SLCO2B1: variants seen among roughly 807,000 people sequenced by gnomAD.
The protein encoded by SLCO2B1 is OATP-RP2.
SLCO2B1 carries 41 observed loss-of-function variants against 67.3 expected under a neutral mutation model. The ratio of observed to expected loss-of-function variants is 0.61; its 90% confidence interval spans 0.47 to 0.79. The LOEUF (loss-of-function observed/expected upper bound fraction) is 0.79. Ranked by LOEUF, SLCO2B1 falls within the 30% of genes least tolerant of loss-of-function variation. The pLI, the probability that SLCO2B1 is intolerant of heterozygous loss-of-function variation, is 0.00. For synonymous variants in SLCO2B1, 379 were observed against 381.4 expected, an observed-to-expected ratio of 0.99 and a Z score of 0.07; for missense variants, 837 against 920.1, an observed-to-expected ratio of 0.91 and a Z score of 1.17.
At chr11:75,163,802 GTCTC>G (rs1180793552) in intron 2 of SLCO2B1, among the ~76,000 whole-genome samples, 157 bp from the exon 3 acceptor site, 3 of 150,548 alleles carry the variant, frequency 2.0e-5, no homozygotes, top group Non-Finnish European at 4.4e-5. Flanking sequence ...GTCTCCTTTG[GTCTC>G]TCTCTGTCTC....
chr11:75,170,740 G>A (rs1949948860), intron 6 of SLCO2B1, among the ~76,000 whole-genome samples: 1 of 152,208 alleles, frequency 6.6e-6, no homozygotes, highest in Non-Finnish European at 1.5e-5. Flanking sequence ...TCTCCTTCTG[G>A]AAGGCTGGGT....
intron 6 of SLCO2B1, chr11:75,170,079 C>T (rs906803706): frequency 6.4e-6 from 2 of 312,408 alleles, no homozygotes; most frequent in Admixed American, 9.3e-5. Context: ...TCAACAGGCC[C>T]TCAGCCCCCT....
At position 75,171,655 on chromosome 11, in the gene SLCO2B1, T is replaced by C. The variant is rs1170178057; in HGVS notation, c.782-724T>C. 2.0e-5 allele frequency among the ~76,000 whole-genome samples: 3 copies of C among 152,222 alleles called. No individual in the cohort carries two copies. In the East Asian group the frequency reaches 5.8e-4, roughly 29 times the overall value. On this transcript the variant is annotated intron_variant, in intron 6 of 13. Transcript: ENST00000289575. ...ATTAAGAAGTATGACGGGAGCTTTG[T>C]GTGTTCCAGCCAGGAGGTACACCTG... is the stretch of plus-strand genomic sequence containing the variant.
At chr11:75,191,190 A>C (rs1196294049) in intron 8 of SLCO2B1, among the ~76,000 whole-genome samples, 1 of 151,724 alleles carries the variant, frequency 6.6e-6, no homozygotes, top group Non-Finnish European at 1.5e-5. Flanking sequence ...GAGCCAGGAG[A>C]CCCTAGGAAA....
chr11:75,201,435 G>A (rs1945181446), intron 11 of SLCO2B1: 1 of 152,126 alleles, frequency 6.6e-6, no homozygotes, highest in Admixed American at 6.5e-5. Flanking sequence ...TTCTGCAGTG[G>A]ACCCTAGCCA....
intron 1 of SLCO2B1, among the ~76,000 whole-genome samples, chr11:75,162,237 A>C (rs535319907): frequency 1.2e-4 from 18 of 152,288 alleles, no homozygotes; most frequent in Non-Finnish European, 2.5e-4. Flanking sequence ...AGACAGTCCC[A>C]GGCCCAGACT....
chr11:75,185,161 C>T (rs986819992), intron 7 of SLCO2B1, among the ~76,000 whole-genome samples: 9 of 152,144 alleles, frequency 5.9e-5, no homozygotes, highest in African/African-American at 1.9e-4. Flanking sequence ...CAAGGGACCC[C>T]CCAAGGTGGT....
intron 7 of SLCO2B1, among the ~76,000 whole-genome samples, chr11:75,173,238 G>A (rs1949986191): frequency 6.6e-6 from 1 of 152,214 alleles, no homozygotes; most frequent in African/African-American, 2.4e-5. Flanking sequence ...AGAATTGGGA[G>A]GGTGGGTAGG....
At chr11:75,191,151 G>A (rs977703647) in intron 8 of SLCO2B1, among the ~76,000 whole-genome samples, 1 of 152,088 alleles carries the variant, frequency 6.6e-6, no homozygotes, top group Non-Finnish European at 1.5e-5. Context: ...GGGGAGGGAG[G>A]ATAGAAGGGA....
intron 10 of SLCO2B1, among the ~76,000 whole-genome samples, chr11:75,197,795 G>C (rs1444196173): frequency 2.0e-5 from 3 of 152,216 alleles, no homozygotes; most frequent in Non-Finnish European, 4.4e-5. Context: ...CAGAGCCAAG[G>C]GGCCCAGTGG....
intron 6 of SLCO2B1, 27 bp downstream of exon 6, chr11:75,169,791 A>G: frequency 6.3e-7 from 1 of 1,589,034 alleles, no homozygotes; most frequent in South Asian, 1.1e-5. Flanking sequence ...CATGTTTGCT[A>G]GACCCTAGCT....
chr11:75,153,719 T>C (rs111969183), intron 1 of SLCO2B1, among the ~76,000 whole-genome samples: 25 of 152,268 alleles, frequency 1.6e-4, no homozygotes, highest in African/African-American at 5.3e-4. Flanking sequence ...CGGGGGTCAC[T>C]GGGCAACATC....
chr11:75,189,050 C>T (rs1452730418), intron 8 of SLCO2B1, among the ~76,000 whole-genome samples: 1 of 152,230 alleles, frequency 6.6e-6, no homozygotes, highest in Non-Finnish European at 1.5e-5. Flanking sequence ...CTGATCCCTG[C>T]TCCTTTCTGG....
At chr11:75,170,336 A>G (rs939631877) in intron 6 of SLCO2B1, among the ~76,000 whole-genome samples, 2 of 152,208 alleles carry the variant, frequency 1.3e-5, no homozygotes, top group Non-Finnish European at 2.9e-5. Flanking sequence ...CAGGGGCACC[A>G]TTTGGGAAAG....
chr11:75,165,787 G>A lies in SLCO2B1; in HGVS notation c.286G>A (p.Val96Met), dbSNP rs1464804211. ...AATGGGTCACCTCGTCCTTTTGCAG[G>A]TGGGGAACACAGCCTTGATTGTGTT... ...TSGLLASFNEVGNTALIVFVS... is the reference protein window; with the variant it reads ...TSGLLASFNEMGNTALIVFVS... Residue 96 changes from valine (V) to methionine (M), a missense_variant and splice_region_variant, in exon 4 of 14, where the codon GTG becomes ATG. Physicochemically the swap from Val to Met is conservative, Grantham distance 21. Transcript: ENST00000289575. The A allele has an allele frequency of 6.2e-7, 1 of 1,614,080 alleles. No individual in the cohort carries two copies. The highest frequency in any genetic ancestry group is 2.2e-5 in the East Asian group (1 of 44,884).
At chr11:75,151,678 C>T (rs1949692572) in intron 1 of SLCO2B1, 1 of 517,390 alleles carries the variant, frequency 1.9e-6, no homozygotes, top group East Asian at 3.2e-5. Flanking sequence ...AAGACAGGCC[C>T]CTGACCCCCT....
intron 1 of SLCO2B1, among the ~76,000 whole-genome samples, chr11:75,157,277 A>G (rs1460540525): frequency 1.3e-5 from 2 of 152,254 alleles, no homozygotes; most frequent in Admixed American, 6.5e-5. Context: ...AAGAGGAAAA[A>G]TATTGCTAAT....
intron 11 of SLCO2B1, 39 bp from the exon 12 acceptor site, chr11:75,202,862 C>T (rs1272293613): frequency 6.3e-7 from 1 of 1,586,888 alleles, no homozygotes; most frequent in Non-Finnish European, 8.7e-7. Flanking sequence ...GGGGCTGGAA[C>T]CCCTCCAACC....
In SLCO2B1 at chr11:75,185,426, A is replaced by T. The variant is rs181728166; in HGVS notation, c.973-2710A>T. Among the ~76,000 whole-genome samples the T allele has an allele frequency of 2.7e-3, 378 of 141,980 alleles. 6 individuals carry two copies. Among genetic ancestry groups the T allele is most frequent in the African/African-American group, 9.8e-3 (368 of 37,444 alleles). 93.1% of individuals were successfully genotyped at this position (141,980 alleles called of 152,430 possible). A position where few individuals can be genotyped will look rare whatever the true frequency, so the allele number is the denominator to read the frequency against. ...CGTGGGGAAGCCTTGCCTGCGCACC[A>T]CTCCTAGTTACAGGGAGCTCGCTTC... On this transcript the variant is annotated intron_variant, in intron 7 of 13. Coordinates refer to ENST00000289575, the MANE Select transcript of SLCO2B1 (RefSeq NM_007256.5).
Sources: allele counts gnomAD v4.1 joint callset (sites outside exome capture counted in the v4.1 genomes callset), GRCh38; gene constraint gnomAD v4.1.1; transcripts MANE v1.5; gene names NCBI Gene and HGNC (gene_info 2026-07-23, HGNC 2026-07-21).